RUNX1T1: variants seen among roughly 807,000 people sequenced by gnomAD.
The protein encoded by RUNX1T1 is protein CBFA2T1.
RUNX1T1 carries 4 observed loss-of-function variants against 62.8 expected under a neutral mutation model. That is an observed-to-expected ratio of 0.06 (90% CI 0.03 to 0.15). The LOEUF (loss-of-function observed/expected upper bound fraction) is 0.15. Ranked by LOEUF, RUNX1T1 falls within the 10% of genes least tolerant of loss-of-function variation. The pLI is 1.00. For missense variants in RUNX1T1, 508 were observed against 754.3 expected, an observed-to-expected ratio of 0.67 and a Z score of 3.82; for synonymous variants, 291 against 286.0, an observed-to-expected ratio of 1.02 and a Z score of -0.18.
At chr8:92,046,575 G>C (rs996570750) in intron 1 of RUNX1T1, among the ~76,000 whole-genome samples, 1 of 151,906 alleles carries the variant, frequency 6.6e-6, no homozygotes, top group Non-Finnish European at 1.5e-5. Context: ...TTTTGGCCAG[G>C]CTGGTCTCAA....
intron 5 of RUNX1T1, among the ~76,000 whole-genome samples, chr8:91,996,392 G>C (rs1023558689): frequency 6.6e-6 from 1 of 152,006 alleles, no homozygotes; most frequent in Non-Finnish European, 1.5e-5. Context: ...TAGTAGAGAC[G>C]GGGTTTCACC....
chr8:92,022,998 G>A (rs1164252018), intron 1 of RUNX1T1, among the ~76,000 whole-genome samples: 6 of 152,162 alleles, frequency 3.9e-5, no homozygotes, highest in Non-Finnish European at 8.8e-5. Context: ...ATCTTTGGGG[G>A]CAAATTCTCC....
rs558622882 is a variant in RUNX1T1 at position 91,970,113 on chromosome 8, T to C, written c.1458+545A>G. Among the ~76,000 whole-genome samples, 3 of 151,912 alleles carry C rather than the reference T, an allele frequency of 2.0e-5. No homozygotes were observed. The East Asian group carries it at 5.8e-4, about 29-fold the overall frequency. On this transcript the variant is annotated intron_variant, in intron 10 of 10. Transcript: ENST00000396218. ...TGTAACATTACCTCTAGCAGCAATG[T>C]TATGCTATGAAATGACCATCATATG...
At chr8:91,958,662 CACG>C (rs1471103609), downstream of RUNX1T1, 1 of 167,716 alleles carries the variant, frequency 6.0e-6, no homozygotes, top group Non-Finnish European at 1.2e-5. Flanking sequence ...AGAAAAATTC[CACG>C]ACTACTCTAT....
At chr8:92,025,954 A>G (rs1825059694) in intron 1 of RUNX1T1, among the ~76,000 whole-genome samples, 2 of 152,228 alleles carry the variant, frequency 1.3e-5, no homozygotes, top group African/African-American at 4.8e-5. Context: ...AAAAGTTTGT[A>G]AGGCAATTTA....
chr8:92,100,958 G>C (rs1339498233), upstream of RUNX1T1, among the ~76,000 whole-genome samples: 1 of 152,168 alleles, frequency 6.6e-6, no homozygotes, highest in East Asian at 1.9e-4. Flanking sequence ...ACATGGTCAA[G>C]GCAAACGCTG....
chr8:91,959,420 G>C (rs1228868931), exon 11 of RUNX1T1: 838 of 78,862 alleles, frequency 0.011, 45 homozygotes, highest in African/African-American at 0.07. Flanking sequence ...ACTTGTGTGT[G>C]TGTGTGTGTG....
chr8:92,040,649 T>C, intron 1 of RUNX1T1, among the ~76,000 whole-genome samples: 1 of 152,202 alleles, frequency 6.6e-6, no homozygotes, highest in East Asian at 1.9e-4. Flanking sequence ...AGCCCTCCAT[T>C]TCTTCCCCAT....
chr8:92,029,702 G>C (rs1333718426), intron 1 of RUNX1T1, among the ~76,000 whole-genome samples: 4 of 152,036 alleles, frequency 2.6e-5, no homozygotes, highest in African/African-American at 9.7e-5. Context: ...TAGCATACAA[G>C]CCACCACTAT....
chr8:92,084,034 G>A (rs539259731), intron 1 of RUNX1T1, among the ~76,000 whole-genome samples: 16 of 152,202 alleles, frequency 1.1e-4, no homozygotes, highest in Admixed American at 1.0e-3. Context: ...TCACTCATAA[G>A]TGGGAGTTGA....
At chr8:92,060,922 TGAGA>T (rs56103756) in intron 1 of RUNX1T1, among the ~76,000 whole-genome samples, 50 of 146,446 alleles carry the variant, frequency 3.4e-4, no homozygotes, top group African/African-American at 5.0e-4. Flanking sequence ...ACACAGTTGA[TGAGA>T]GAGAGAGAGA....
At chr8:91,991,766 G>A (rs759412826) in exon 6 of RUNX1T1, 1 of 1,614,104 alleles carries the variant, frequency 6.2e-7, no homozygotes, top group Non-Finnish European at 8.5e-7. Flanking sequence ...GGTGAGGCAG[G>A]CCATTGGGCT....
chr8:92,040,707 G>A (rs530301540), intron 1 of RUNX1T1, among the ~76,000 whole-genome samples: 3 of 152,074 alleles, frequency 2.0e-5, no homozygotes, highest in South Asian at 2.1e-4. Context: ...TGCCTTCCTC[G>A]TCAGGGTGAA....
At chr8:91,998,372 G>A (rs1297288011) in intron 5 of RUNX1T1, among the ~76,000 whole-genome samples, 1 of 152,214 alleles carries the variant, frequency 6.6e-6, no homozygotes, top group African/African-American at 2.4e-5. Context: ...GAAGAACAGA[G>A]AGCTGAATGC....
At chr8:91,979,776 C>T (rs1184416087) in intron 8 of RUNX1T1, 14 of 515,398 alleles carry the variant, frequency 2.7e-5, no homozygotes, top group East Asian at 4.1e-5. Context: ...ACTACACTTA[C>T]GACAGGATGG....
At chr8:92,051,857 A>G (rs1164682232) in intron 1 of RUNX1T1, among the ~76,000 whole-genome samples, 1 of 152,072 alleles carries the variant, frequency 6.6e-6, no homozygotes. Context: ...TGTCCCATCA[A>G]ACCTCAAGAA....
chr8:92,027,358 T>C (rs919737139), intron 1 of RUNX1T1, among the ~76,000 whole-genome samples: 7 of 152,098 alleles, frequency 4.6e-5, no homozygotes, highest in African/African-American at 1.7e-4. Context: ...GAACAATGAC[T>C]CTGAAATGTT....
At chr8:91,989,897 A>G (rs1235865557) in intron 6 of RUNX1T1, among the ~76,000 whole-genome samples, 2 of 152,248 alleles carry the variant, frequency 1.3e-5, no homozygotes, top group Non-Finnish European at 2.9e-5. Context: ...CTGGCTATTA[A>G]GAAAGCACAA....
At chr8:92,067,127 G>T (rs1245605795), upstream of RUNX1T1, among the ~76,000 whole-genome samples, 1 of 152,152 alleles carries the variant, frequency 6.6e-6, no homozygotes, top group African/African-American at 2.4e-5. Context: ...TTTATTTAGG[G>T]CTGTCCAAGA....
Sources: allele counts gnomAD v4.1 joint callset (sites outside exome capture counted in the v4.1 genomes callset), GRCh38; gene constraint gnomAD v4.1.1; transcripts MANE v1.5; gene names NCBI Gene and HGNC (gene_info 2026-07-23, HGNC 2026-07-21).